The following CDKAL1 variants were observed in gnomAD, a reference collection of about 807,000 sequenced individuals.
CDKAL1 encodes the protein CDKAL1 threonylcarbamoyladenosine tRNA methylthiotransferase.
In CDKAL1, 32 loss-of-function variants were observed where a neutral mutation model predicts 68.2. The ratio of observed to expected loss-of-function variants is 0.47; its 90% CI spans 0.35 to 0.63. The LOEUF is 0.63. Ranked by LOEUF, CDKAL1 falls within the 30% of genes least tolerant of loss-of-function variation. The probability of loss-of-function intolerance (pLI) is 0.00; values close to 1 mark genes in which losing one functional copy is unlikely to be tolerated. For synonymous variants in CDKAL1, 234 were observed against 244.3 expected (o/e 0.96, Z 0.39); for missense variants, 606 against 696.7 (o/e 0.87, Z 1.47).
At chr6:21,143,213 TAAAAGCAGC>T (rs948289766) in intron 13 of CDKAL1, among the ~76,000 whole-genome samples, 4 of 152,190 alleles carry the variant, frequency 2.6e-5, no homozygotes, top group African/African-American at 9.7e-5. Context: ...AGATCAAAAA[TAAAAGCAGC>T]AATAGCATAA....
At chr6:20,821,144 A>T (rs895435526) in intron 8 of CDKAL1, among the ~76,000 whole-genome samples, 1 of 152,106 alleles carries the variant, frequency 6.6e-6, no homozygotes, top group Non-Finnish European at 1.5e-5. Flanking sequence ...CTGGGAGGCA[A>T]TCAGGAACCA....
intron 7 of CDKAL1, among the ~76,000 whole-genome samples, chr6:20,780,330 A>G (rs1452301142): frequency 9.2e-5 from 14 of 152,154 alleles, no homozygotes; most frequent in African/African-American, 2.9e-4. Context: ...GTGTAAAAAT[A>G]AGTTTAAAAT....
chr6:20,880,822 A>G (rs187367538), intron 9 of CDKAL1, among the ~76,000 whole-genome samples: 92 of 152,330 alleles, frequency 6.0e-4, no homozygotes, highest in African/African-American at 2.1e-3. Context: ...AAAAGATTAT[A>G]AAATTTCTTA....
intron 8 of CDKAL1, among the ~76,000 whole-genome samples, chr6:20,809,063 C>A (rs1776686798): frequency 6.6e-6 from 1 of 152,186 alleles, no homozygotes; most frequent in South Asian, 2.1e-4. Context: ...GCAGAAACCA[C>A]AGTGTTTTTA....
intron 11 of CDKAL1, among the ~76,000 whole-genome samples, chr6:21,016,929 C>T (rs1768373428): frequency 1.3e-5 from 2 of 152,188 alleles, no homozygotes; most frequent in Admixed American, 1.3e-4. Context: ...ATCCACCCTT[C>T]ACTTTATTGC....
At chr6:20,695,357 C>G (rs971692935) in intron 5 of CDKAL1, among the ~76,000 whole-genome samples, 2 of 152,170 alleles carry the variant, frequency 1.3e-5, no homozygotes, top group Non-Finnish European at 2.9e-5. Flanking sequence ...TGTAGCCTCT[C>G]TTTTTGTTAC....
intron 5 of CDKAL1, among the ~76,000 whole-genome samples, chr6:20,685,602 T>C (rs1014402237): frequency 2.6e-5 from 4 of 152,210 alleles, no homozygotes; most frequent in Non-Finnish European, 4.4e-5. Flanking sequence ...GAACTGACAT[T>C]TTTACAATAT....
intron 13 of CDKAL1, among the ~76,000 whole-genome samples, chr6:21,119,870 G>C (rs879875092): frequency 3.3e-5 from 5 of 152,118 alleles, no homozygotes; most frequent in Admixed American, 2.6e-4. Flanking sequence ...TCCCTTGTAA[G>C]AGTCTTACAC....
At chr6:20,976,796 G>C (rs1413273246) in intron 10 of CDKAL1, among the ~76,000 whole-genome samples, 1 of 152,168 alleles carries the variant, frequency 6.6e-6, no homozygotes, top group East Asian at 1.9e-4. Flanking sequence ...TTGCCCAACA[G>C]AATGTCCATG....
At chr6:20,849,208 G>C (rs1271864436) in intron 9 of CDKAL1, among the ~76,000 whole-genome samples, 1 of 152,150 alleles carries the variant, frequency 6.6e-6, no homozygotes, top group Non-Finnish European at 1.5e-5. Flanking sequence ...CCAAGCTTAT[G>C]GCTTTCTCAT....
At chr6:20,563,458 G>A (rs1237533363) in intron 4 of CDKAL1, among the ~76,000 whole-genome samples, 1 of 152,024 alleles carries the variant, frequency 6.6e-6, no homozygotes, top group Non-Finnish European at 1.5e-5. Context: ...TTTATATTGT[G>A]GTGTAAAATC....
At chr6:20,897,124 TTCAC>T (rs1561866482) in intron 9 of CDKAL1, among the ~76,000 whole-genome samples, 2 of 152,190 alleles carry the variant, frequency 1.3e-5, no homozygotes, top group Non-Finnish European at 2.9e-5. Flanking sequence ...TAGCTGTTTA[TTCAC>T]ATGACAGAAG....
intron 9 of CDKAL1, among the ~76,000 whole-genome samples, chr6:20,926,361 A>T (rs1356898071): frequency 1.3e-5 from 2 of 152,130 alleles, no homozygotes; most frequent in African/African-American, 4.8e-5. Flanking sequence ...AATATTGAGA[A>T]ATCATTCTAA....
At chr6:20,822,191 T>C (rs1318712392) in intron 8 of CDKAL1, among the ~76,000 whole-genome samples, 1 of 152,180 alleles carries the variant, frequency 6.6e-6, no homozygotes, top group Non-Finnish European at 1.5e-5. Flanking sequence ...GAGTATATGG[T>C]ATTATATATT....
chr6:20,723,413 G>C (rs1386721686), intron 5 of CDKAL1, among the ~76,000 whole-genome samples: 2 of 152,272 alleles, frequency 1.3e-5, no homozygotes, highest in Admixed American at 1.3e-4. Flanking sequence ...CCTGCGCGGA[G>C]CTTGCTCCTG....
chr6:20,877,423 C>A (rs576742602), intron 9 of CDKAL1, among the ~76,000 whole-genome samples: 3 of 152,164 alleles, frequency 2.0e-5, no homozygotes, highest in African/African-American at 7.2e-5. Context: ...CTGTCCTGTT[C>A]CTGTTTTCAC....
At chr6:20,803,430 C>T (rs573850427) in intron 8 of CDKAL1, among the ~76,000 whole-genome samples, 1 of 152,284 alleles carries the variant, frequency 6.6e-6, no homozygotes, top group African/African-American at 2.4e-5. Flanking sequence ...TTTTCCATGT[C>T]AAGTGTCACC....
intron 4 of CDKAL1, chr6:20,599,330 C>T: frequency 2.2e-6 from 1 of 451,134 alleles, no homozygotes; most frequent in South Asian, 1.6e-5. Context: ...TATTGTTATA[C>T]TTGGAAATAA....
At chr6:21,052,832 A>G (rs961674687) in intron 11 of CDKAL1, among the ~76,000 whole-genome samples, 1 of 151,212 alleles carries the variant, frequency 6.6e-6, no homozygotes, top group African/African-American at 2.4e-5. Flanking sequence ...CTGGGCAACA[A>G]AGCAAGACTC....
Sources: gnomAD v4.1 joint callset for allele counts (sites outside exome capture counted in the v4.1 genomes callset) on GRCh38, gnomAD v4.1.1 for gene constraint, MANE v1.5 for transcripts, NCBI Gene and HGNC (gene_info 2026-07-23, HGNC 2026-07-21) for gene names.